ELOVL6: variants seen among roughly 807,000 people sequenced by gnomAD.
The protein encoded by ELOVL6 is ELOVL fatty acid elongase 6, also known as very long chain fatty acid elongase 6.
Under a neutral mutation model 31.7 loss-of-function variants are expected in ELOVL6, and 8 were observed. That is an observed-to-expected ratio of 0.25 (90% confidence interval 0.15 to 0.45). ELOVL6 has a LOEUF of 0.45. ELOVL6 is among the 20% of genes least tolerant of loss of function. ELOVL6 has a pLI of 1.00. For synonymous variants in ELOVL6, 101 were observed against 117.7 expected (o/e 0.86, Z 0.92); for missense variants, 126 against 326.4 (o/e 0.39, Z 4.73).
At chr4:110,100,602 A>T (rs10032613) in intron 2 of ELOVL6, among the ~76,000 whole-genome samples, 46,430 of 152,058 alleles carry the variant, frequency 0.31, 8,114 homozygotes, top group East Asian at 0.7. Flanking sequence ...CCCTGGCTAC[A>T]GTTAAGAGCT....
chr4:110,075,165 T>C (rs1205336066), intron 2 of ELOVL6, among the ~76,000 whole-genome samples: 1 of 152,090 alleles, frequency 6.6e-6, no homozygotes, highest in Non-Finnish European at 1.5e-5. Context: ...ATGTGCACTG[T>C]TGGAGGGAAT....
chr4:110,085,119 A>G (rs1425919272), intron 2 of ELOVL6, among the ~76,000 whole-genome samples: 1 of 152,234 alleles, frequency 6.6e-6, no homozygotes, highest in Non-Finnish European at 1.5e-5. Context: ...CATCAAAGAA[A>G]GAAAATGCAA....
chr4:110,052,166 C>G (rs949807621), intron 3 of ELOVL6, among the ~76,000 whole-genome samples: 1 of 152,170 alleles, frequency 6.6e-6, no homozygotes, highest in South Asian at 2.1e-4. Flanking sequence ...TTAGGAAATA[C>G]CACCTGGAGG....
chr4:110,109,642 C>T (rs1385973513), intron 1 of ELOVL6, among the ~76,000 whole-genome samples: 2 of 152,140 alleles, frequency 1.3e-5, no homozygotes, highest in Non-Finnish European at 2.9e-5. Flanking sequence ...TACCCATTAA[C>T]ATTTCTGAAA....
At chr4:110,106,834 G>C (rs560463294) in intron 1 of ELOVL6, among the ~76,000 whole-genome samples, 5 of 152,194 alleles carry the variant, frequency 3.3e-5, no homozygotes, top group Admixed American at 2.6e-4. Flanking sequence ...AAATGCCTCT[G>C]ACAACAGTAC....
chr4:110,103,363 C>T lies in ELOVL6; in HGVS notation c.221+2134G>A, dbSNP rs149114833. On this transcript the variant is annotated intron_variant, in intron 2 of 3. Transcript: ENST00000302274. ...CAATGGACTTAAAACACATCAAAAT[C>T]ATATCTCAAAATCACTGGCATATGA... 3.9e-4 allele frequency among the ~76,000 whole-genome samples: 59 copies of T among 151,938 alleles called. No homozygotes were observed. The East Asian group carries it at 6.6e-3, about 17-fold the overall frequency.
intron 1 of ELOVL6, among the ~76,000 whole-genome samples, chr4:110,110,709 C>T (rs141435328): frequency 3.3e-5 from 5 of 152,058 alleles, no homozygotes; most frequent in South Asian, 2.1e-4. Context: ...AGGTTTTATT[C>T]GTAAGTAAAT....
chr4:110,123,415 G>A (rs1057109185), intron 1 of ELOVL6, among the ~76,000 whole-genome samples: 6 of 152,232 alleles, frequency 3.9e-5, no homozygotes, highest in Admixed American at 6.5e-5. Flanking sequence ...TCTAGGCTCC[G>A]GGAATACATC....
intron 2 of ELOVL6, among the ~76,000 whole-genome samples, chr4:110,099,083 A>T (rs1359071369): frequency 6.6e-6 from 1 of 152,086 alleles, no homozygotes; most frequent in Non-Finnish European, 1.5e-5. Context: ...AAGAACTGTC[A>T]TGTTTTTTTC....
chr4:110,067,773 C>T (rs888346341), intron 2 of ELOVL6, among the ~76,000 whole-genome samples: 6 of 152,238 alleles, frequency 3.9e-5, no homozygotes, highest in African/African-American at 1.2e-4. Context: ...AAAGGTTATG[C>T]GTCTATGTGA....
At chr4:110,151,727 G>A (rs1054362284) in intron 1 of ELOVL6, among the ~76,000 whole-genome samples, 1 of 152,152 alleles carries the variant, frequency 6.6e-6, no homozygotes, top group Non-Finnish European at 1.5e-5. Context: ...ATAAGAGATG[G>A]ACTTTTGAAT....
At chr4:110,074,122 G>A (rs1755565527) in intron 2 of ELOVL6, among the ~76,000 whole-genome samples, 1 of 152,008 alleles carries the variant, frequency 6.6e-6, no homozygotes, top group East Asian at 1.9e-4. Context: ...TCAATATCAG[G>A]GAGACTTGTC....
At chr4:110,184,231 T>C (rs1393082949) in intron 1 of ELOVL6, among the ~76,000 whole-genome samples, 1 of 152,186 alleles carries the variant, frequency 6.6e-6, no homozygotes, top group Non-Finnish European at 1.5e-5. Flanking sequence ...TGCCAGATAA[T>C]ATAATCAGAT....
intron 2 of ELOVL6, among the ~76,000 whole-genome samples, chr4:110,067,517 A>G (rs893066304): frequency 2.0e-5 from 3 of 152,218 alleles, no homozygotes; most frequent in African/African-American, 7.2e-5. Context: ...GAGACTTACA[A>G]TCACGGTGGA....
At chr4:110,084,459 A>ATG (rs1270717966) in intron 2 of ELOVL6, among the ~76,000 whole-genome samples, 4 of 107,450 alleles carry the variant, frequency 3.7e-5, no homozygotes, top group African/African-American at 8.3e-5. Flanking sequence ...CATATATCAT[A>ATG]TATGATATAT....
At chr4:110,111,614 G>T (rs550705280) in intron 1 of ELOVL6, among the ~76,000 whole-genome samples, 1 of 152,230 alleles carries the variant, frequency 6.6e-6, no homozygotes, top group African/African-American at 2.4e-5. Context: ...TATATAGGGG[G>T]TCAGTAGCAA....
intron 2 of ELOVL6, among the ~76,000 whole-genome samples, chr4:110,084,102 G>GCT (rs1560813957): frequency 0.016 from 1,220 of 76,354 alleles, 104 homozygotes; most frequent in South Asian, 0.025. Flanking sequence ...ACATATATAT[G>GCT]ATATATATGA....
At chr4:110,154,472 C>T (rs563843275) in intron 1 of ELOVL6, among the ~76,000 whole-genome samples, 7 of 152,208 alleles carry the variant, frequency 4.6e-5, no homozygotes, top group African/African-American at 1.4e-4. Context: ...CCAGGCTGGT[C>T]GTGAACTCCT....
chr4:110,145,932 A>T (rs1758092990), intron 1 of ELOVL6, among the ~76,000 whole-genome samples: 1 of 152,246 alleles, frequency 6.6e-6, no homozygotes, highest in African/African-American at 2.4e-5. Flanking sequence ...GCCCAAAGCA[A>T]TCTATAGCTT....
Sources: gnomAD v4.1 joint callset for allele counts (sites outside exome capture counted in the v4.1 genomes callset) on GRCh38, gnomAD v4.1.1 for gene constraint, MANE v1.5 for transcripts, NCBI Gene and HGNC (gene_info 2026-07-23, HGNC 2026-07-21) for gene names.